SNX13: variants seen among roughly 807,000 people sequenced by gnomAD.
SNX13 encodes the protein sorting nexin 13.
In SNX13, 45 loss-of-function variants were observed where a neutral mutation model predicts 133.6. That is an observed-to-expected ratio of 0.34 (90% CI 0.27 to 0.43). SNX13 has a LOEUF of 0.43. Among genes scored for constraint, SNX13 ranks in the 20% least tolerant of loss-of-function variants. SNX13 has a pLI of 1.00. For missense variants in SNX13, 1,032 were observed against 1,145.1 expected, an observed-to-expected ratio of 0.90 and a Z score of 1.43; for synonymous variants, 414 against 373.9, an observed-to-expected ratio of 1.11 and a Z score of -1.24.
chr7:17,802,070 A>G (rs1457991164), intron 21 of SNX13, among the ~76,000 whole-genome samples: 1 of 152,096 alleles, frequency 6.6e-6, no homozygotes, highest in East Asian at 1.9e-4. Flanking sequence ...ATTTAGATAC[A>G]CATTTGTGTA....
intron 1 of SNX13, among the ~76,000 whole-genome samples, chr7:17,903,668 C>G (rs1270689119): frequency 6.6e-6 from 1 of 152,190 alleles, no homozygotes; most frequent in Admixed American, 6.5e-5. Context: ...CAAGGTCACA[C>G]AGCTATCAGG....
chr7:17,818,684 CAG>C (rs1256617843), intron 18 of SNX13, among the ~76,000 whole-genome samples: 6 of 152,056 alleles, frequency 3.9e-5, no homozygotes, highest in Non-Finnish European at 8.8e-5. Context: ...TAAATTATAT[CAG>C]AGGATTTCAA....
chr7:17,900,631 A>G (rs921440321), intron 1 of SNX13, among the ~76,000 whole-genome samples: 10 of 152,130 alleles, frequency 6.6e-5, no homozygotes, highest in African/African-American at 2.2e-4. Context: ...CTGGCTACCA[A>G]CGTTCATTAA....
intron 20 of SNX13, among the ~76,000 whole-genome samples, chr7:17,804,504 C>T (rs986194766): frequency 2.0e-5 from 3 of 151,396 alleles, no homozygotes; most frequent in Admixed American, 6.6e-5. Context: ...AGGTGGAATA[C>T]GAAGACTGTA....
intron 18 of SNX13, among the ~76,000 whole-genome samples, chr7:17,819,878 T>C (rs1188497805): frequency 7.3e-6 from 1 of 137,160 alleles, no homozygotes; most frequent in African/African-American, 3.0e-5. Context: ...ATAAAGTTTA[T>C]AAACTTTATA....
intron 9 of SNX13, among the ~76,000 whole-genome samples, chr7:17,856,143 T>C (rs1459809153): frequency 1.3e-5 from 2 of 152,214 alleles, no homozygotes; most frequent in Non-Finnish European, 2.9e-5. Context: ...ATATCAACAA[T>C]GTAAACTGAA....
intron 1 of SNX13, among the ~76,000 whole-genome samples, chr7:17,926,918 A>G (rs904973692): frequency 6.6e-6 from 1 of 152,198 alleles, no homozygotes; most frequent in Non-Finnish European, 1.5e-5. Flanking sequence ...ACTACTCCAA[A>G]GAAAAACAGG....
At position 17,840,071 on chromosome 7, in the gene SNX13, C is replaced by A; in HGVS notation, c.1166-71G>T. 6 of 1,313,210 alleles carry A rather than the reference C, an allele frequency of 4.6e-6. No individual in the cohort carries two copies. The South Asian group carries it at 6.2e-5, about 14-fold the overall frequency. 81.3% of individuals were successfully genotyped at this position (1,313,210 alleles called of 1,614,324 possible). On this transcript the variant is annotated intron_variant, in intron 12 of 25. Coordinates refer to ENST00000428135, the MANE Select transcript of SNX13 (RefSeq NM_015132.5). The stretch of plus-strand genomic sequence containing the variant: ...ATTTGGGGTCCATGTAGTTTTATGA[C>A]AAGTAAAGAAGGATTAAAGTTTCAA...
intron 1 of SNX13, among the ~76,000 whole-genome samples, chr7:17,917,089 G>T (rs1306069763): frequency 6.6e-6 from 1 of 152,086 alleles, no homozygotes; most frequent in African/African-American, 2.4e-5. Context: ...AATATATTCA[G>T]AAAAAGCATT....
At chr7:17,912,907 T>C (rs1799148364) in intron 1 of SNX13, among the ~76,000 whole-genome samples, 1 of 152,166 alleles carries the variant, frequency 6.6e-6, no homozygotes, top group Non-Finnish European at 1.5e-5. Context: ...GAAATTAGAC[T>C]TTCCCATCAC....
chr7:17,841,582 A>ACACACACACG (rs750599891), intron 12 of SNX13, among the ~76,000 whole-genome samples: 1 of 150,434 alleles, frequency 6.6e-6, no homozygotes, highest in African/African-American at 2.4e-5. Flanking sequence ...ACACACACAC[A>ACACACACACG]CGCACACACA....
chr7:17,900,797 C>G (rs967723314), intron 1 of SNX13, among the ~76,000 whole-genome samples: 26 of 152,184 alleles, frequency 1.7e-4, no homozygotes, highest in African/African-American at 5.8e-4. Context: ...ACTTGGTGCT[C>G]TATTCCACTG....
At chr7:17,908,867 G>C (rs1314887724) in intron 1 of SNX13, among the ~76,000 whole-genome samples, 2 of 152,144 alleles carry the variant, frequency 1.3e-5, no homozygotes, top group Non-Finnish European at 1.5e-5. Flanking sequence ...AGCTAGAAAG[G>C]GTGGGGCAGG....
chr7:17,912,866 G>T (rs1159041112), intron 1 of SNX13, among the ~76,000 whole-genome samples: 1 of 152,172 alleles, frequency 6.6e-6, no homozygotes, highest in Admixed American at 6.5e-5. Flanking sequence ...ATTGAGTGGC[G>T]AGTGTGGAAA....
chr7:17,913,568 T>G (rs1450971681), intron 1 of SNX13, among the ~76,000 whole-genome samples: 1 of 152,006 alleles, frequency 6.6e-6, no homozygotes, highest in Non-Finnish European at 1.5e-5. Context: ...GTTGCTACAA[T>G]AAACAATATC....
chr7:17,836,360 A>C (rs1789135446), intron 13 of SNX13, among the ~76,000 whole-genome samples: 1 of 152,002 alleles, frequency 6.6e-6, no homozygotes, highest in Non-Finnish European at 1.5e-5. Flanking sequence ...TCTTTAAAAA[A>C]ATACAAAAAT....
intron 5 of SNX13, among the ~76,000 whole-genome samples, chr7:17,876,504 C>G (rs1794735778): frequency 6.9e-6 from 1 of 145,500 alleles, no homozygotes; most frequent in African/African-American, 2.6e-5. Flanking sequence ...CACCTGAGCC[C>G]AGGAGGTCAA....
rs568768567 is a variant in SNX13, at chr7:17,843,876, A to C, written c.1165+1719T>G. Reference sequence around the variant, plus strand: ...CACACAACCAATGGATCAAAGAAGAAATCACAAGAGAAATTAGAAAATACA... The same window carrying C: ...CACACAACCAATGGATCAAAGAAGACATCACAAGAGAAATTAGAAAATACA... On this transcript the variant is annotated intron_variant, in intron 12 of 25. Coordinates refer to ENST00000428135, the MANE Select transcript of SNX13 (RefSeq NM_015132.5). Among the ~76,000 whole-genome samples the C allele has an allele frequency of 1.8e-4, 28 of 152,200 alleles. No individual in the cohort carries two copies. The South Asian group carries it at 5.8e-3, about 32-fold the overall frequency.
chr7:17,936,332 C>T (rs573203368), intron 1 of SNX13, among the ~76,000 whole-genome samples: 2 of 152,152 alleles, frequency 1.3e-5, no homozygotes, highest in East Asian at 3.8e-4. Flanking sequence ...CCATTTATAT[C>T]AGATCTGTTA....
Sources: gnomAD v4.1 joint callset for allele counts (sites outside exome capture counted in the v4.1 genomes callset) on GRCh38, gnomAD v4.1.1 for gene constraint, MANE v1.5 for transcripts, NCBI Gene and HGNC (gene_info 2026-07-23, HGNC 2026-07-21) for gene names.